The following ZNF618 variants were observed in gnomAD, a reference collection of about 807,000 sequenced individuals.
The protein encoded by ZNF618 is neural precursor cell expressed, developmentally down-regulated 10.
In ZNF618, 34 loss-of-function variants were observed where a neutral mutation model predicts 103.0. The observed-to-expected ratio is 0.33, with a 90% CI of 0.25 to 0.44. The LOEUF is 0.44. Among genes scored for constraint, ZNF618 ranks in the 20% least tolerant of loss-of-function variants. The pLI, the probability that ZNF618 is intolerant of heterozygous loss-of-function variation, is 1.00. For synonymous variants in ZNF618, 551 were observed against 542.2 expected, an observed-to-expected ratio of 1.02 and a Z score of -0.23; for missense variants, 1,059 against 1,295.4, an observed-to-expected ratio of 0.82 and a Z score of 2.80.
rs1844203182 is a variant in ZNF618 at position 114,032,740 on chromosome 9, C to T, written c.1168+12C>T. ...GCAGAACTCCAGCGGTGAGTGTGCC[C>T]CTTGACAGCCATCCTGTGCGGTAGC... On this transcript the variant is annotated intron_variant, in intron 12 of 14. Transcript: ENST00000374126. 6.2e-6 allele frequency: 10 copies of T among 1,613,480 alleles called. No homozygotes were observed. The highest frequency in any genetic ancestry group is 1.1e-5 in the South Asian group (1 of 91,072).
chr9:113,965,022 T>C (rs1234094143), intron 1 of ZNF618, among the ~76,000 whole-genome samples: 1 of 150,362 alleles, frequency 6.7e-6, no homozygotes, highest in Non-Finnish European at 1.5e-5. Flanking sequence ...TGTAATCATA[T>C]AAGACAGCTT....
chr9:113,956,325 A>C (rs1836294171), intron 1 of ZNF618, among the ~76,000 whole-genome samples: 2 of 151,310 alleles, frequency 1.3e-5, no homozygotes, highest in African/African-American at 4.9e-5. Context: ...GTAATCAATC[A>C]CAGCACTCTT....
chr9:113,970,133 G>A (rs1465982438), intron 2 of ZNF618, among the ~76,000 whole-genome samples: 1 of 152,142 alleles, frequency 6.6e-6, no homozygotes, highest in African/African-American at 2.4e-5. Context: ...AGACTTTCCA[G>A]ATCTTTTAAT....
intron 3 of ZNF618, among the ~76,000 whole-genome samples, chr9:113,995,488 ATTAAT>A (rs1166513317): frequency 4.6e-5 from 7 of 152,318 alleles, no homozygotes; most frequent in African/African-American, 1.2e-4. Flanking sequence ...AAGATTCGAC[ATTAAT>A]TTAATTCCTA....
chr9:113,973,884 A>G (rs77378825), intron 2 of ZNF618, among the ~76,000 whole-genome samples: 7,335 of 152,324 alleles, frequency 0.048, 242 homozygotes, highest in Middle Eastern at 0.071. Context: ...AAGAGGTTAA[A>G]GGGCTCATTA....
At chr9:113,970,486 T>C (rs1837850706) in intron 2 of ZNF618, among the ~76,000 whole-genome samples, 1 of 152,148 alleles carries the variant, frequency 6.6e-6, no homozygotes, top group South Asian at 2.1e-4. Context: ...GTATGATCTT[T>C]GTGGCAGTTT....
chr9:113,989,253 G>C (rs1485356599), intron 3 of ZNF618, among the ~76,000 whole-genome samples: 1 of 152,234 alleles, frequency 6.6e-6, no homozygotes, highest in Non-Finnish European at 1.5e-5. Flanking sequence ...AGTTAGAGAA[G>C]GCACGCCGCG....
intron 1 of ZNF618, among the ~76,000 whole-genome samples, chr9:113,932,879 G>C (rs1187651034): frequency 6.6e-6 from 1 of 152,188 alleles, no homozygotes; most frequent in African/African-American, 2.4e-5. Context: ...CAGGCGAGCA[G>C]TGGTCAGGGC....
chr9:114,012,034 AAAG>A (rs913858687), intron 9 of ZNF618, among the ~76,000 whole-genome samples: 6 of 152,006 alleles, frequency 3.9e-5, no homozygotes, highest in African/African-American at 1.4e-4. Context: ...AAAAAAAAAA[AAAG>A]AGAGAACTAT....
chr9:114,044,829 T>C (rs531577958), intron 13 of ZNF618, among the ~76,000 whole-genome samples: 100 of 152,170 alleles, frequency 6.6e-4, no homozygotes, highest in Middle Eastern at 6.8e-3. Flanking sequence ...GTGGGGCAGT[T>C]TTTTGGCAAC....
intron 10 of ZNF618, among the ~76,000 whole-genome samples, chr9:114,023,480 T>A (rs1843241569): frequency 6.6e-6 from 1 of 152,178 alleles, no homozygotes; most frequent in South Asian, 2.1e-4. Context: ...ACAATTACTC[T>A]TTTAGCTTTA....
intron 11 of ZNF618, among the ~76,000 whole-genome samples, chr9:114,029,968 C>T (rs1424301301): frequency 6.6e-6 from 1 of 152,220 alleles, no homozygotes; most frequent in African/African-American, 2.4e-5. Context: ...GGCCACCTGC[C>T]GGGACTTGTG....
intron 12 of ZNF618, among the ~76,000 whole-genome samples, chr9:114,032,989 C>T (rs1203218670): frequency 1.3e-5 from 2 of 152,158 alleles, no homozygotes; most frequent in African/African-American, 4.8e-5. Flanking sequence ...CAACACCCCT[C>T]CCCATAGCCT....
chr9:113,930,326 AT>A (rs1286692537), intron 1 of ZNF618, among the ~76,000 whole-genome samples: 1 of 152,222 alleles, frequency 6.6e-6, no homozygotes, highest in Non-Finnish European at 1.5e-5. Flanking sequence ...TGTTGGGTTT[AT>A]ACATTTAAAA....
intron 10 of ZNF618, among the ~76,000 whole-genome samples, chr9:114,018,276 G>T (rs1430556360): frequency 6.6e-6 from 1 of 152,208 alleles, no homozygotes; most frequent in Non-Finnish European, 1.5e-5. Flanking sequence ...TGGTGCTGAT[G>T]CCCAGGCAGC....
chr9:113,935,201 G>A (rs1476864145), intron 1 of ZNF618, among the ~76,000 whole-genome samples: 1 of 152,200 alleles, frequency 6.6e-6, no homozygotes, highest in Non-Finnish European at 1.5e-5. Context: ...GGCTCACCAT[G>A]CCATTTAGAG....
At chr9:114,007,152 G>C (rs965479782) in intron 6 of ZNF618, among the ~76,000 whole-genome samples, 198 bp from the exon 7 acceptor site, 1 of 152,162 alleles carries the variant, frequency 6.6e-6, no homozygotes, top group African/African-American at 2.4e-5. Flanking sequence ...CTCATCACCG[G>C]CCCTCCCGGC....
intron 13 of ZNF618, among the ~76,000 whole-genome samples, chr9:114,039,015 GAGGC>G (rs1437060005): frequency 1.3e-4 from 20 of 152,150 alleles, no homozygotes; most frequent in Admixed American, 3.3e-4. Context: ...TAACGAAACG[GAGGC>G]ACAAACTGGT....
intron 9 of ZNF618, among the ~76,000 whole-genome samples, chr9:114,015,662 T>TG (rs1194334691): frequency 6.6e-6 from 1 of 152,218 alleles, no homozygotes; most frequent in African/African-American, 2.4e-5. Context: ...GTAAAATTAA[T>TG]GGGTGAATGT....
Sources: allele counts gnomAD v4.1 joint callset (sites outside exome capture counted in the v4.1 genomes callset), GRCh38; gene constraint gnomAD v4.1.1; transcripts MANE v1.5; gene names NCBI Gene and HGNC (gene_info 2026-07-23, HGNC 2026-07-21).